NPTX1: variants seen among roughly 807,000 people sequenced by gnomAD.
The protein encoded by NPTX1 is neuronal pentraxin-1.
Under a neutral mutation model 38.7 loss-of-function variants are expected in NPTX1, and 12 were observed. The observed-to-expected ratio is 0.31, with a 90% CI of 0.20 to 0.50. NPTX1 has a LOEUF of 0.50. Among genes scored for constraint, NPTX1 ranks in the 20% least tolerant of loss-of-function variants. NPTX1 has a pLI of 0.98. For missense variants in NPTX1, 454 were observed against 592.2 expected (o/e 0.77, Z 2.42); for synonymous variants, 272 against 264.9 (o/e 1.03, Z -0.26).
At chr17:80,471,554 C>A (rs1343234268) in intron 4 of NPTX1, among the ~76,000 whole-genome samples, 178 bp downstream of exon 4, 1 of 152,226 alleles carries the variant, frequency 6.6e-6, no homozygotes, top group Non-Finnish European at 1.5e-5. Context: ...GAGCTCACTC[C>A]TGCAGGAAGT....
rs1243132557 is a variant in NPTX1, at chr17:80,476,464, G to T, written c.-18C>A. On this transcript the variant is annotated 5_prime_UTR_variant, in exon 1 of 5. Coordinates refer to ENST00000306773, the MANE Select transcript of NPTX1 (RefSeq NM_002522.4). The surrounding 1 kb of genome is among the most constrained non-coding windows in gnomAD (Gnocchi z 6.3). ...GCCGGCATGGCTGCGGGCACCGGGC[G>T]CTCCGGGCCCGGCTCGGCTCGGCTG... is the stretch of plus-strand genomic sequence containing the variant. 6.6e-6 allele frequency: 8 copies of T among 1,210,126 alleles called. No homozygotes were observed. Among genetic ancestry groups the T allele is most frequent in the Non-Finnish European group, 8.2e-6 (8 of 976,600 alleles). 75.0% of individuals were successfully genotyped at this position (1,210,126 alleles called of 1,614,324 possible).
rs559176920 is a variant in NPTX1, at chr17:80,474,616, C to G, written c.652+895G>C. On this transcript the variant is annotated intron_variant, in intron 2 of 4. Coordinates refer to ENST00000306773, the MANE Select transcript of NPTX1 (RefSeq NM_002522.4). ...GTGGGGGATAGGGAGGGGCCCAGCC[C>G]CTGGCCTTTCTCCGGGTGTTTTTCA... 2.0e-5 allele frequency: 3 copies of G among 152,632 alleles called. No homozygotes were observed. The South Asian group carries it at 6.2e-4, about 32-fold the overall frequency. 9.5% of individuals were successfully genotyped at this position (152,632 alleles called of 1,614,324 possible).
At position 80,469,736 on chromosome 17, in the gene NPTX1, G is replaced by C. The variant is rs992694692; in HGVS notation, c.*1077C>G. On this transcript the variant is annotated 3_prime_UTR_variant, in exon 5 of 5. Coordinates refer to ENST00000306773, the MANE Select transcript of NPTX1 (RefSeq NM_002522.4). ...CCAAAAAGGACCTTCCCACCGATGG[G>C]CTGGGTTGAAGTCCCAGTGGCCCCA... 9.8e-5 allele frequency: 15 copies of C among 152,342 alleles called. No homozygotes were observed. The highest frequency in any genetic ancestry group is 3.6e-4 in the African/African-American group (15 of 41,474). The allele number at this position is 152,342 out of a possible 1,614,324, so 9.4% of individuals were successfully genotyped here.
At position 80,471,668 on chromosome 17, in the gene NPTX1, CT is replaced by C. The variant is rs367606202; in HGVS notation, c.1077+63del. ...GCTACCTCCCTCCCTCCTTGCTCCT[CT>C]TCCCCTTCCCAGCCTCTGGTTCTGA... On this transcript the variant is annotated intron_variant, in intron 4 of 4. Coordinates refer to ENST00000306773, the MANE Select transcript of NPTX1 (RefSeq NM_002522.4). The C allele has an allele frequency of 2.0e-3, 3,052 of 1,556,356 alleles. 60 individuals are homozygous for C. The East Asian group carries it at 0.05, about 25-fold the overall frequency.
chr17:80,471,612 C>T (rs1484897610), intron 4 of NPTX1, 120 bp downstream of exon 4: 13 of 1,452,982 alleles, frequency 8.9e-6, no homozygotes, highest in East Asian at 7.4e-5. Context: ...GCCTGCTCCC[C>T]GGGCTGCTTC....
chr17:80,470,966 C>T lies in NPTX1; in HGVS notation c.1146G>A (p.Trp382Ter). ...FVGELAHFNI[W>*]DRKLTPGEVY... ...CCTCCCCGGGGGTCAGCTTGCGGTC[C>T]CAGATGTTGAAGTGGGCCAGCTCAC... Residue 382 changes from tryptophan to a stop codon, truncating the protein, a stop_gained, in exon 5 of 5, where the codon TGG (tryptophan) becomes TGA (stop). Transcript: ENST00000306773. LOFTEE classifies it high-confidence loss of function. 1 of 1,613,632 alleles carries T rather than the reference C, an allele frequency of 6.2e-7. No individual in the cohort carries two copies. Among genetic ancestry groups the T allele is most frequent in the Non-Finnish European group, 8.5e-7 (1 of 1,179,710 alleles).
In NPTX1 at chr17:80,476,488, TGGGGCTCGGCTC is replaced by T; in HGVS notation, c.-54_-43del. 1 of 1,118,870 alleles carries T rather than the reference TGGGGCTCGGCTC, an allele frequency of 8.9e-7. No individual in the cohort carries two copies. Among genetic ancestry groups the T allele is most frequent in the Non-Finnish European group, 1.1e-6 (1 of 911,252 alleles). The allele number at this position is 1,118,870 out of a possible 1,614,324, so 69.3% of individuals were successfully genotyped here. A position where few individuals can be genotyped will look rare whatever the true frequency, so the allele number is the denominator to read the frequency against. ...CGCTCCGGGCCCGGCTCGGCTCGGCTGGGGCTCGGCTCCGGCTGGGACCCGGCTCGGGCTGTG... is the reference window on the plus strand; with the variant it reads ...CGCTCCGGGCCCGGCTCGGCTCGGCTCGGCTGGGACCCGGCTCGGGCTGTG... On this transcript the variant is annotated 5_prime_UTR_variant, in exon 1 of 5. Coordinates refer to ENST00000306773, the MANE Select transcript of NPTX1 (RefSeq NM_002522.4). The surrounding 1 kb of genome is among the most constrained non-coding windows in gnomAD (Gnocchi z 6.3).
At position 80,470,470 on chromosome 17, in the gene NPTX1, C is replaced by T. The variant is rs1455864767; in HGVS notation, c.*343G>A. On this transcript the variant is annotated 3_prime_UTR_variant, in exon 5 of 5. Coordinates refer to ENST00000306773, the MANE Select transcript of NPTX1 (RefSeq NM_002522.4). Reference sequence around the variant, plus strand: ...CCTCAAAGAAAAGGCCTCCCCCAGCCACGCACGCACACACGTAGACACACA... The same window carrying T: ...CCTCAAAGAAAAGGCCTCCCCCAGCTACGCACGCACACACGTAGACACACA... The T allele has an allele frequency of 1.1e-5, 2 of 181,984 alleles. No individual in the cohort carries two copies. The highest frequency in any genetic ancestry group is 4.7e-5 in the African/African-American group (2 of 42,648). The allele number at this position is 181,984 out of a possible 1,614,324, so 11.3% of individuals were successfully genotyped here.
At position 80,470,918 on chromosome 17, in the gene NPTX1, G is replaced by A; in HGVS notation, c.1194C>T (p.Ser398=). ...PGEVYNLATC[S]TKALSGNVIA... is the part of the protein sequence containing the mutation. The stretch of plus-strand genomic sequence containing the variant: ...TGACATTGCCGGACAGAGCCTTGGT[G>A]CTGCAGGTGGCCAGGTTGTACACCT... The change falls in exon 5 of 5, where the codon AGC becomes AGT. Residue 398 remains serine (S), a synonymous_variant. Coordinates refer to ENST00000306773, the MANE Select transcript of NPTX1 (RefSeq NM_002522.4). 1 of 1,613,768 alleles carries A rather than the reference G, an allele frequency of 6.2e-7. No homozygotes were observed. The highest frequency in any genetic ancestry group is 8.5e-7 in the Non-Finnish European group (1 of 1,179,730).
chr17:80,475,692 G>C lies in NPTX1; in HGVS notation c.471C>G (p.Ser157Arg). ...LEQYSRLNSS[S>R]QTNSLKDLLQ... ...GCAGATCCTTGAGGCTGTTGGTCTG[G>C]CTGGAGGAATTGAGGCGGCTGTACT... Residue 157 changes from serine (S) to arginine (R), a missense_variant, in exon 2 of 5, where the codon AGC (serine) becomes AGG (arginine). Physicochemically the swap from Ser to Arg is moderately radical, Grantham distance 110. Coordinates refer to ENST00000306773, the MANE Select transcript of NPTX1 (RefSeq NM_002522.4). The surrounding 1 kb of genome is among the most constrained non-coding windows in gnomAD (Gnocchi z 6.5). 1.2e-6 allele frequency: 2 copies of C among 1,612,458 alleles called. No individual in the cohort carries two copies. The highest frequency in any genetic ancestry group is 1.7e-6 in the Non-Finnish European group (2 of 1,179,648).
rs1171068264 is a variant in NPTX1 at position 80,469,884 on chromosome 17, CCT to C, written c.*927_*928del. Reference sequence around the variant, plus strand: ...CTTCCCGGGCTGTGGGTGGCACGCTCCTCTCTCAGGGCCCTCTGGGCTGAAGC... The same window carrying C: ...CTTCCCGGGCTGTGGGTGGCACGCTCCTCTCAGGGCCCTCTGGGCTGAAGC... On this transcript the variant is annotated 3_prime_UTR_variant, in exon 5 of 5. Transcript: ENST00000306773. 1.3e-5 allele frequency: 2 copies of C among 152,372 alleles called. No homozygotes were observed. The highest frequency in any genetic ancestry group is 2.9e-5 in the Non-Finnish European group (2 of 68,152). 9.4% of individuals were successfully genotyped at this position (152,372 alleles called of 1,614,324 possible). A position where few individuals can be genotyped will look rare whatever the true frequency, so the allele number is the denominator to read the frequency against.
chr17:80,470,678 T>C lies in NPTX1; in HGVS notation c.*135A>G. 1.6e-6 allele frequency: 1 copy of C among 625,890 alleles called. No individual in the cohort carries two copies. The highest frequency in any genetic ancestry group is 2.8e-6 in the Non-Finnish European group (1 of 361,668). The allele number at this position is 625,890 out of a possible 1,614,324, so 38.8% of individuals were successfully genotyped here. On this transcript the variant is annotated 3_prime_UTR_variant, in exon 5 of 5. Transcript: ENST00000306773. Reference sequence around the variant, plus strand: ...CGTGTGCATGAGGACAAAACCAGGCTGTGTGCGTGTGCGTGTGCAGGGGCG... The same window carrying C: ...CGTGTGCATGAGGACAAAACCAGGCCGTGTGCGTGTGCGTGTGCAGGGGCG...
At position 80,469,105 on chromosome 17, in the gene NPTX1, ACAACG is replaced by A. The variant is rs2083823821; in HGVS notation, c.*1703_*1707del. ...CACACAGATGCACTAGGTTCTTGAC[ACAACG>A]TGGACCTGTGTTTAAGGGGACAGGT... On this transcript the variant is annotated 3_prime_UTR_variant, in exon 5 of 5. Transcript: ENST00000306773. The A allele has an allele frequency of 1.3e-5, 2 of 152,512 alleles. No individual in the cohort carries two copies. Among genetic ancestry groups the A allele is most frequent in the African/African-American group, 4.8e-5 (2 of 41,460 alleles). 9.4% of individuals were successfully genotyped at this position (152,512 alleles called of 1,614,324 possible).
chr17:80,470,746 C>G lies in NPTX1; in HGVS notation c.*67G>C. On this transcript the variant is annotated 3_prime_UTR_variant, in exon 5 of 5. Coordinates refer to ENST00000306773, the MANE Select transcript of NPTX1 (RefSeq NM_002522.4). ...CTGGGGAAAAGGGAGAGAAGAGACGCACAAAACAGATCATCGCCGCACAAG... is the reference window on the plus strand; with the variant it reads ...CTGGGGAAAAGGGAGAGAAGAGACGGACAAAACAGATCATCGCCGCACAAG... The G allele has an allele frequency of 8.9e-7, 1 of 1,127,496 alleles. No homozygotes were observed. The highest frequency in any genetic ancestry group is 2.0e-5 in the Admixed American group (1 of 50,410). The allele number at this position is 1,127,496 out of a possible 1,614,324, so 69.8% of individuals were successfully genotyped here.
chr17:80,472,522 C>T (rs1429344254), intron 3 of NPTX1, among the ~76,000 whole-genome samples: 2 of 152,184 alleles, frequency 1.3e-5, no homozygotes, highest in African/African-American at 4.8e-5. Flanking sequence ...CACACCCTTT[C>T]CGCTTGGGGA....
At position 80,469,078 on chromosome 17, in the gene NPTX1, C is replaced by CAG. The variant is rs1332351212; in HGVS notation, c.*1734_*1735insCT. On this transcript the variant is annotated 3_prime_UTR_variant, in exon 5 of 5. Transcript: ENST00000306773. ...ACACTGACACAGAGACACTGACAGA[C>CAG]ACACACAGATGCACTAGGTTCTTGA... 5 of 152,498 alleles carry CAG rather than the reference C, an allele frequency of 3.3e-5. No homozygotes were observed. The highest frequency in any genetic ancestry group is 5.9e-5 in the Non-Finnish European group (4 of 68,082). The allele number at this position is 152,498 out of a possible 1,614,324, so 9.4% of individuals were successfully genotyped here.
Position 80,470,526 on chromosome 17 carries a change from C to T in NPTX1, c.*287G>A. On this transcript the variant is annotated 3_prime_UTR_variant, in exon 5 of 5. Transcript: ENST00000306773. ...AGACACGCACACACAGATCCTCTCACCAACTTCTGCCTTGTTCAAGACGTT... is the reference window on the plus strand; with the variant it reads ...AGACACGCACACACAGATCCTCTCATCAACTTCTGCCTTGTTCAAGACGTT... 1 of 301,938 alleles carries T rather than the reference C, an allele frequency of 3.3e-6. No individual in the cohort carries two copies. Among genetic ancestry groups the T allele is most frequent in the Non-Finnish European group, 6.3e-6 (1 of 159,556 alleles). The allele number at this position is 301,938 out of a possible 1,614,324, so 18.7% of individuals were successfully genotyped here. A position where few individuals can be genotyped will look rare whatever the true frequency, so the allele number is the denominator to read the frequency against.
At chr17:80,474,462 TTATTTCTAGAA>T in intron 2 of NPTX1, 1 of 152,668 alleles carries the variant, frequency 6.6e-6, no homozygotes, top group South Asian at 2.1e-4. Flanking sequence ...AGGCCAAAAA[TTATTTCTAGAA>T]GACATCCTGC....
Position 80,476,014 on chromosome 17 carries a change from C to A in NPTX1, c.433G>T (p.Glu145Ter). The A allele has an allele frequency of 6.2e-7, 1 of 1,606,916 alleles. No individual in the cohort carries two copies. The highest frequency in any genetic ancestry group is 8.5e-7 in the Non-Finnish European group (1 of 1,177,604). The change falls in exon 1 of 5, where the codon GAG becomes TAG. Residue 145 changes from glutamate (E) to a stop codon, truncating the protein, a stop_gained. Transcript: ENST00000306773. LOFTEE classifies it high-confidence loss of function. The surrounding 1 kb of genome is among the most constrained non-coding windows in gnomAD (Gnocchi z 6.3). ...GGGCGCGCGCGGACCTCGAGGTTCT[C>A]CAGGCGGGTTTTGAGCGATTGCAAA... The part of the protein sequence containing the change: ...QTLQSLKTRL[E>*]NLEQYSRLNS...
Sources: allele counts gnomAD v4.1 joint callset (sites outside exome capture counted in the v4.1 genomes callset), GRCh38; gene constraint gnomAD v4.1.1; non-coding constraint Gnocchi (gnomAD v3.1); transcripts MANE v1.5; gene names NCBI Gene and HGNC (gene_info 2026-07-23, HGNC 2026-07-21).